The following MMP24 variants were observed in gnomAD, a reference collection of about 807,000 sequenced individuals.
MMP24 encodes the protein matrix metallopeptidase 24.
A neutral mutation model predicts 62.8 loss-of-function variants in MMP24; 25 were observed. That is an observed-to-expected ratio of 0.40 (90% CI 0.29 to 0.56). MMP24 has a LOEUF of 0.56. Among genes scored for constraint, MMP24 ranks in the 20% least tolerant of loss-of-function variants. The pLI is 0.50. For synonymous variants in MMP24, 319 were observed against 350.5 expected, an observed-to-expected ratio of 0.91 and a Z score of 1.00; for missense variants, 634 against 853.6, an observed-to-expected ratio of 0.74 and a Z score of 3.21.
intron 4 of MMP24, 39 bp from the exon 5 acceptor site, chr20:35,263,752 G>GC: frequency 1.4e-6 from 2 of 1,460,346 alleles, no homozygotes; most frequent in Non-Finnish European, 1.8e-6. Context: ...TCATATCTAA[G>GC]CAGGTGCCCT....
At chr20:35,262,543 C>A (rs150219893) in intron 4 of MMP24, among the ~76,000 whole-genome samples, 1 of 151,198 alleles carries the variant, frequency 6.6e-6, no homozygotes, top group Non-Finnish European at 1.5e-5. Flanking sequence ...GTAGATGGAG[C>A]ATACAACCGG....
rs746247860 is a variant in MMP24 at position 35,271,718 on chromosome 20, C to T, written c.1483C>T (p.Arg495Trp). 2.3e-5 allele frequency: 37 copies of T among 1,606,272 alleles called. No individual in the cohort carries two copies. The highest frequency in any genetic ancestry group is 4.5e-5 in the East Asian group (2 of 44,638). ...VGKTYFFKGE[R>W]YWRYSEERRA... Reference sequence around the variant, plus strand: ...CAAGACCTACTTTTTCAAAGGCGAGCGGTACTGGCGCTACAGCGAGGAGCG... The same window carrying T: ...CAAGACCTACTTTTTCAAAGGCGAGTGGTACTGGCGCTACAGCGAGGAGCG... Residue 495 changes from arginine (R) to tryptophan (W), a missense_variant, in exon 8 of 9, where the codon CGG becomes TGG. By Grantham distance (101) the Arg-to-Trp change is moderately radical (BLOSUM62 -3). Around this residue, in one of 3 missense-constraint regions of MMP24, gnomAD observed 399 missense variants for 530.8 expected, o/e 0.75. Transcript: ENST00000246186. The surrounding 1 kb of genome is among the most constrained non-coding windows in gnomAD (Gnocchi z 4.0).
In MMP24 at chr20:35,254,773, A is replaced by C. The variant is rs751025829; in HGVS notation, c.817+19A>C. 1.3e-6 allele frequency: 2 copies of C among 1,598,000 alleles called. No homozygotes were observed. The highest frequency in any genetic ancestry group is 1.7e-6 in the Non-Finnish European group (2 of 1,171,102). On this transcript the variant is annotated intron_variant, in intron 4 of 8. Transcript: ENST00000246186. ...CATGACGGTAAGGCCATGAGGGGAC[A>C]GGGGTCAGTCTTGGGCTGCTCAGTT...
chr20:35,256,642 C>T (rs767268705), intron 4 of MMP24, among the ~76,000 whole-genome samples: 1 of 145,674 alleles, frequency 6.9e-6, no homozygotes, highest in Non-Finnish European at 1.5e-5. Context: ...TCCCTTGAAC[C>T]CGGGAGGCGG....
chr20:35,242,867 G>A (rs2060495869), intron 1 of MMP24, among the ~76,000 whole-genome samples: 1 of 152,082 alleles, frequency 6.6e-6, no homozygotes, highest in Admixed American at 6.6e-5. Flanking sequence ...AGGGCAGGAT[G>A]GCTAGATTTC....
rs772103175 is a variant in MMP24 at position 35,274,228 on chromosome 20, C to T, written c.1601-44C>T. ...TTTTCACACTGCCCCAGAGCAGGTG[C>T]CGGAAGTGTCTGGGAGTGGTGATGC... On this transcript the variant is annotated intron_variant, in intron 8 of 8. Coordinates refer to ENST00000246186, the MANE Select transcript of MMP24 (RefSeq NM_006690.4). This position sits in a 1 kb window ranked among gnomAD's most constrained non-coding sequence, Gnocchi z 5.1. 6.5e-7 allele frequency: 1 copy of T among 1,538,022 alleles called. No homozygotes were observed. Among genetic ancestry groups the T allele is most frequent in the Non-Finnish European group, 8.8e-7 (1 of 1,135,614 alleles).
intron 4 of MMP24, among the ~76,000 whole-genome samples, chr20:35,256,872 C>A (rs1285977845): frequency 6.6e-6 from 1 of 152,066 alleles, no homozygotes; most frequent in Non-Finnish European, 1.5e-5. Context: ...CCATGAGAAA[C>A]GCTATCTTAA....
intron 5 of MMP24, among the ~76,000 whole-genome samples, chr20:35,265,850 C>T (rs1053397663): frequency 6.6e-6 from 1 of 152,004 alleles, no homozygotes; most frequent in Admixed American, 6.6e-5. Context: ...CTGTAGTGAA[C>T]GATGCAGATA....
intron 2 of MMP24, among the ~76,000 whole-genome samples, chr20:35,248,743 T>C (rs2060528828): frequency 6.6e-6 from 1 of 152,174 alleles, no homozygotes; most frequent in Non-Finnish European, 1.5e-5. Context: ...TCCTGTGCTG[T>C]TGTGAATACA....
At chr20:35,263,694 C>T (rs1361979090) in intron 4 of MMP24, 97 bp from the exon 5 acceptor site, 33 of 1,105,416 alleles carry the variant, frequency 3.0e-5, no homozygotes, top group Non-Finnish European at 4.0e-5. Flanking sequence ...GGGCCTGGCA[C>T]AGGGCCCGTG....
At position 35,274,881 on chromosome 20, in the gene MMP24, G is replaced by A. The variant is rs202235161; in HGVS notation, c.*272G>A. 1.2e-4 allele frequency: 54 copies of A among 466,892 alleles called. 1 individual carries two copies. The Middle Eastern group carries it at 2.3e-3, about 20-fold the overall frequency. 28.9% of individuals were successfully genotyped at this position (466,892 alleles called of 1,614,324 possible). ...TAAGGGAATAGGCCAGGCTCCATCC[G>A]GAGGCAGGGACCATGCCAGGAGGAG... is the stretch of plus-strand genomic sequence containing the variant. On this transcript the variant is annotated 3_prime_UTR_variant, in exon 9 of 9. Coordinates refer to ENST00000246186, the MANE Select transcript of MMP24 (RefSeq NM_006690.4). The surrounding 1 kb of genome is among the most constrained non-coding windows in gnomAD (Gnocchi z 5.1).
intron 1 of MMP24, among the ~76,000 whole-genome samples, chr20:35,244,341 C>A (rs2060502696): frequency 6.6e-6 from 1 of 152,164 alleles, no homozygotes; most frequent in Admixed American, 6.5e-5. Flanking sequence ...TCAACAAATA[C>A]ACGGATGTTT....
chr20:35,245,052 G>C (rs1396504917), intron 1 of MMP24, among the ~76,000 whole-genome samples: 3 of 152,060 alleles, frequency 2.0e-5, no homozygotes. Context: ...TTAGAGATGA[G>C]ATCTCACTCT....
intron 2 of MMP24, among the ~76,000 whole-genome samples, chr20:35,251,415 G>A (rs1444830279): frequency 1.3e-5 from 2 of 152,124 alleles, no homozygotes; most frequent in Admixed American, 6.6e-5. Flanking sequence ...GTGAGCCACC[G>A]TGCCCAGCTG....
intron 2 of MMP24, among the ~76,000 whole-genome samples, chr20:35,249,409 G>A (rs2060532986): frequency 6.6e-6 from 1 of 152,180 alleles, no homozygotes; most frequent in Non-Finnish European, 1.5e-5. Context: ...CTCTAGCTCA[G>A]CTTTGTGCTA....
At chr20:35,273,749 C>A (rs1340491116) in intron 8 of MMP24, among the ~76,000 whole-genome samples, 1 of 152,176 alleles carries the variant, frequency 6.6e-6, no homozygotes, top group Non-Finnish European at 1.5e-5. Context: ...GGCAGGGCTG[C>A]CCAGCCTCTC....
chr20:35,248,989 A>C (rs928063022), intron 2 of MMP24, among the ~76,000 whole-genome samples: 1 of 152,114 alleles, frequency 6.6e-6, no homozygotes, highest in Non-Finnish European at 1.5e-5. Flanking sequence ...TGAAAGGAGG[A>C]GGCAGCGGGA....
intron 8 of MMP24, chr20:35,272,130 C>T: frequency 2.1e-6 from 1 of 466,170 alleles, no homozygotes; most frequent in East Asian, 3.2e-5. Context: ...TCCAGGGACG[C>T]CTTGAGTTAC....
chr20:35,259,776 C>T (rs1413780629), intron 4 of MMP24, among the ~76,000 whole-genome samples: 4 of 152,076 alleles, frequency 2.6e-5, no homozygotes, highest in East Asian at 1.9e-4. Context: ...GGGACTTGCT[C>T]GGAGGCCCAG....
Sources: allele counts gnomAD v4.1 joint callset (sites outside exome capture counted in the v4.1 genomes callset), GRCh38; gene constraint gnomAD v4.1.1; regional missense constraint gnomAD v4.1.1; non-coding constraint Gnocchi (gnomAD v3.1); transcripts MANE v1.5; gene names NCBI Gene and HGNC (gene_info 2026-07-23, HGNC 2026-07-21).